Variants in FAM178B observed in about 807,000 individuals in gnomAD.
The protein encoded by FAM178B is protein FAM178B.
FAM178B carries 82 observed loss-of-function variants against 91.7 expected under a neutral mutation model. The observed-to-expected ratio is 0.89, with a 90% CI of 0.75 to 1.07. FAM178B has a LOEUF of 1.07. FAM178B is among the 50% of genes least tolerant of loss of function. The pLI is 0.00. For missense variants in FAM178B, 769 were observed against 846.7 expected, an observed-to-expected ratio of 0.91 and a Z score of 1.14; for synonymous variants, 368 against 359.4, an observed-to-expected ratio of 1.02 and a Z score of -0.27.
intron 13 of FAM178B, among the ~76,000 whole-genome samples, chr2:96,900,833 A>G (rs567132007): frequency 1.3e-5 from 2 of 152,304 alleles, no homozygotes; most frequent in South Asian, 4.1e-4. Context: ...CCTGGGACTC[A>G]GACATATGGT....
At chr2:96,976,255 G>C (rs544097631) in intron 1 of FAM178B, among the ~76,000 whole-genome samples, 1 of 151,596 alleles carries the variant, frequency 6.6e-6, no homozygotes, top group Non-Finnish European at 1.5e-5. Flanking sequence ...CACCATGCCC[G>C]GCTAATTTTT....
intron 12 of FAM178B, among the ~76,000 whole-genome samples, chr2:96,916,983 C>T (rs2081251143): frequency 1.3e-5 from 2 of 152,152 alleles, no homozygotes; most frequent in Admixed American, 6.5e-5. Flanking sequence ...AGCAGCAGCT[C>T]ACTGAAGACC....
chr2:96,921,183 T>C lies in FAM178B; in HGVS notation c.1544A>G (p.Asp515Gly), dbSNP rs919588796. 5 of 1,551,312 alleles carry C rather than the reference T, an allele frequency of 3.2e-6. No individual in the cohort carries two copies. The African/African-American group carries it at 6.9e-5, about 21-fold the overall frequency. Residue 515 changes from aspartate (D) to glycine (G), a missense_variant, in exon 12 of 17, where the codon GAC becomes GGC. Physicochemically the swap from Asp to Gly is moderately conservative, Grantham distance 94. Coordinates refer to ENST00000490605, the MANE Select transcript of FAM178B (RefSeq NM_001122646.3). ...NLLALVQFFP[D>G]MTSRSRRLRS... ...CACGCACCTGCTCCGGGAGGTCATG[T>C]CTGGGAAGAACTGCACGAGGGCCAG...
intron 12 of FAM178B, among the ~76,000 whole-genome samples, chr2:96,920,327 C>T (rs530444093): frequency 6.6e-6 from 1 of 152,270 alleles, no homozygotes; most frequent in African/African-American, 2.4e-5. Flanking sequence ...ACAGGCCAGG[C>T]GTGGTGGCTC....
intron 13 of FAM178B, among the ~76,000 whole-genome samples, 186 bp from the exon 14 acceptor site, chr2:96,894,237 T>C (rs1429519670): frequency 6.6e-6 from 1 of 151,738 alleles, no homozygotes; most frequent in Non-Finnish European, 1.5e-5. Context: ...ATCTGTAAAA[T>C]GGATCACACA....
chr2:96,890,146 G>A (rs1487298732), intron 14 of FAM178B, among the ~76,000 whole-genome samples: 3 of 151,984 alleles, frequency 2.0e-5, no homozygotes, highest in African/African-American at 7.3e-5. Flanking sequence ...ATGGTGGCAC[G>A]CGCCTGTAAT....
intron 14 of FAM178B, among the ~76,000 whole-genome samples, chr2:96,887,163 C>G (rs1209437562): frequency 6.6e-6 from 1 of 152,056 alleles, no homozygotes; most frequent in Non-Finnish European, 1.5e-5. Context: ...TGTAGTGAGC[C>G]AAGATCATGC....
At chr2:96,930,161 C>T (rs1262899139) in intron 8 of FAM178B, among the ~76,000 whole-genome samples, 1 of 142,418 alleles carries the variant, frequency 7.0e-6, no homozygotes, top group African/African-American at 2.7e-5. Flanking sequence ...AGAGCCACTG[C>T]ACTCCAGCAC....
rs144834340 is a variant in FAM178B at position 96,895,338 on chromosome 2, G to T, written c.1651-1287C>A. ...TAAAATGTCCTCCAACAGTTGGTCTGTTTGAAGGGAGATTCAACACAAGGC... is the reference window on the plus strand; with the variant it reads ...TAAAATGTCCTCCAACAGTTGGTCTTTTTGAAGGGAGATTCAACACAAGGC... On this transcript the variant is annotated intron_variant, in intron 13 of 16. Coordinates refer to ENST00000490605, the MANE Select transcript of FAM178B (RefSeq NM_001122646.3). Among the ~76,000 whole-genome samples, 556 of 152,328 alleles carry T rather than the reference G, an allele frequency of 3.7e-3. 1 individual carries two copies. Among genetic ancestry groups the T allele is most frequent in the African/African-American group, 0.012 (510 of 41,564 alleles).
At chr2:96,885,099 G>C (rs10208112) in intron 14 of FAM178B, among the ~76,000 whole-genome samples, 1,609 of 152,358 alleles carry the variant, frequency 0.011, 41 homozygotes, top group African/African-American at 0.037. Flanking sequence ...GGCAAGGGGT[G>C]GGGGTGACCC....
At position 96,947,875 on chromosome 2, in the gene FAM178B, A is replaced by G. The variant is rs745586518; in HGVS notation, c.1021T>C (p.Leu341=). 226 of 1,548,842 alleles carry G rather than the reference A, an allele frequency of 1.5e-4. 1 individual carries two copies. Among genetic ancestry groups the G allele is most frequent in the African/African-American group, 3.6e-4 (26 of 72,866 alleles). The change falls in exon 8 of 17, where the codon TTG becomes CTG. Residue 341 remains leucine (L), a synonymous_variant. Transcript: ENST00000490605. ...QLLTWPPETS[L]GAFGLLWDLI... ...TCCCACAGAAGACCAAAGGCTCCCA[A>G]AGATGTTTCTGGAGGCCATGTCAGC...
intron 1 of FAM178B, among the ~76,000 whole-genome samples, chr2:96,978,798 C>T (rs1026916465): frequency 2.3e-4 from 35 of 151,070 alleles, no homozygotes; most frequent in African/African-American, 7.5e-4. Context: ...CTAATTTTTT[C>T]GTATTTTTAG....
chr2:96,913,934 G>A (rs1017925210), intron 12 of FAM178B, among the ~76,000 whole-genome samples: 3 of 152,210 alleles, frequency 2.0e-5, no homozygotes, highest in African/African-American at 4.8e-5. Flanking sequence ...CGAGGAAGAC[G>A]CCTCCTCAAC....
At position 96,972,071 on chromosome 2, in the gene FAM178B, G is replaced by C. The variant is rs1334631872; in HGVS notation, c.394C>G (p.Gln132Glu). Residue 132 changes from glutamine to glutamate, a missense_variant, in exon 3 of 17, where the codon CAG (glutamine) becomes GAG (glutamate). By Grantham distance (29) the Gln-to-Glu change is conservative. Coordinates refer to ENST00000490605, the MANE Select transcript of FAM178B (RefSeq NM_001122646.3). Reference protein sequence around the residue: ...VLQASREAPAQRWVGVVGPQG... With the variant: ...VLQASREAPAERWVGVVGPQG... ...GGGCCCACCACACCCACCCACCTCT[G>C]GGCCGGGGCCTCCCGACTGGCCTGC... 1 of 1,542,438 alleles carries C rather than the reference G, an allele frequency of 6.5e-7. No individual in the cohort carries two copies.
intron 6 of FAM178B, among the ~76,000 whole-genome samples, chr2:96,955,591 A>T (rs1479751318): frequency 2.6e-5 from 4 of 152,178 alleles, no homozygotes; most frequent in Non-Finnish European, 4.4e-5. Context: ...GAGGCAGGAG[A>T]ATCGCTTGAA....
Position 96,986,555 on chromosome 2 carries a change from A to G in FAM178B, c.-242T>C. The G allele has an allele frequency of 1.9e-6, 1 of 514,256 alleles. No individual in the cohort carries two copies. The highest frequency in any genetic ancestry group is 3.5e-6 in the Non-Finnish European group (1 of 289,202). 31.9% of individuals were successfully genotyped at this position (514,256 alleles called of 1,614,324 possible). On this transcript the variant is annotated 5_prime_UTR_variant, in exon 1 of 17. Coordinates refer to ENST00000490605, the MANE Select transcript of FAM178B (RefSeq NM_001122646.3). Reference sequence around the variant, plus strand: ...CCAGCTCACAGCCGCCGCCGCCGCCAGCTGGGGAGCTCGCCGGCCAAGTGC... The same window carrying G: ...CCAGCTCACAGCCGCCGCCGCCGCCGGCTGGGGAGCTCGCCGGCCAAGTGC...
chr2:96,934,645 T>C (rs1016645182), intron 8 of FAM178B, among the ~76,000 whole-genome samples: 3 of 152,174 alleles, frequency 2.0e-5, no homozygotes, highest in Admixed American at 2.0e-4. Context: ...TCCCAAAGAG[T>C]GCCACTGCCT....
At chr2:96,879,638 G>A (rs755519416) in intron 14 of FAM178B, among the ~76,000 whole-genome samples, 21 of 152,268 alleles carry the variant, frequency 1.4e-4, no homozygotes, top group Admixed American at 2.6e-4. Flanking sequence ...TGCCTGGGAC[G>A]CAGCCTGTTC....
intron 8 of FAM178B, among the ~76,000 whole-genome samples, chr2:96,933,061 G>T (rs561753585): frequency 6.7e-6 from 1 of 149,976 alleles, no homozygotes; most frequent in African/African-American, 2.5e-5. Context: ...TGGCTAACAC[G>T]GTGAAACCCG....
Sources: gnomAD v4.1 joint callset for allele counts (sites outside exome capture counted in the v4.1 genomes callset) on GRCh38, gnomAD v4.1.1 for gene constraint, MANE v1.5 for transcripts, NCBI Gene and HGNC (gene_info 2026-07-23, HGNC 2026-07-21) for gene names.